The following SESTD1 variants were observed in gnomAD, a reference collection of about 807,000 sequenced individuals.
SESTD1 encodes SEC14 and spectrin domain containing 1.
SESTD1 carries 43 observed loss-of-function variants against 101.7 expected under a neutral mutation model. That is an observed-to-expected ratio of 0.42 (90% CI 0.33 to 0.55). The LOEUF is 0.55. SESTD1 is among the 20% of genes least tolerant of loss of function. The pLI is 0.07. For missense variants in SESTD1, 647 were observed against 815.1 expected (o/e 0.79, Z 2.51); for synonymous variants, 283 against 286.8 (o/e 0.99, Z 0.13).
At chr2:179,136,079 A>G (rs779034682) in intron 9 of SESTD1, among the ~76,000 whole-genome samples, 2 of 152,188 alleles carry the variant, frequency 1.3e-5, no homozygotes, top group Non-Finnish European at 2.9e-5. Flanking sequence ...AGTGCGATAT[A>G]AAGAAAGCCC....
At chr2:179,199,523 T>C (rs1422451207) in intron 1 of SESTD1, among the ~76,000 whole-genome samples, 1 of 152,186 alleles carries the variant, frequency 6.6e-6, no homozygotes, top group Non-Finnish European at 1.5e-5. Flanking sequence ...TTTAGACCAA[T>C]ATCCTTGATG....
intron 1 of SESTD1, among the ~76,000 whole-genome samples, chr2:179,230,113 C>CTTTTGT (rs2046962642): frequency 1.8e-5 from 1 of 56,404 alleles, no homozygotes; most frequent in Non-Finnish European, 3.3e-5. Flanking sequence ...GATTGTATCT[C>CTTTTGT]TTTTTTTTTT....
intron 17 of SESTD1, among the ~76,000 whole-genome samples, chr2:179,111,845 G>A (rs1431946119): frequency 3.3e-5 from 5 of 150,990 alleles, no homozygotes; most frequent in East Asian, 3.9e-4. Flanking sequence ...TCAGCCTCCC[G>A]AGTAGCTGGG....
chr2:179,104,337 G>T lies in SESTD1; in HGVS notation c.*5562C>A, dbSNP rs918354083. ...TTGATGATATATTCTGAGCAAATCTGTTGGCCATAAAGATAACATAAGAGT... is the reference window on the plus strand; with the variant it reads ...TTGATGATATATTCTGAGCAAATCTTTTGGCCATAAAGATAACATAAGAGT... On this transcript the variant is annotated 3_prime_UTR_variant, in exon 18 of 18. Transcript: ENST00000428443. 2.6e-5 allele frequency: 4 copies of T among 152,092 alleles called. No individual in the cohort carries two copies. Among genetic ancestry groups the T allele is most frequent in the Non-Finnish European group, 4.4e-5 (3 of 68,020 alleles). 9.4% of individuals were successfully genotyped at this position (152,092 alleles called of 1,614,324 possible). A position where few individuals can be genotyped will look rare whatever the true frequency, so the allele number is the denominator to read the frequency against.
chr2:179,198,107 G>A (rs1283165739), intron 1 of SESTD1, among the ~76,000 whole-genome samples: 3 of 152,142 alleles, frequency 2.0e-5, no homozygotes, highest in African/African-American at 4.8e-5. Flanking sequence ...ATAAAAGGAT[G>A]GAGGAAGATC....
intron 1 of SESTD1, among the ~76,000 whole-genome samples, chr2:179,255,709 C>A (rs1349686879): frequency 6.6e-6 from 1 of 152,214 alleles, no homozygotes; most frequent in Non-Finnish European, 1.5e-5. Context: ...ATGAAGGTGG[C>A]TACATTAAAC....
At chr2:179,232,694 A>G (rs1222821164) in intron 1 of SESTD1, among the ~76,000 whole-genome samples, 3 of 151,794 alleles carry the variant, frequency 2.0e-5, no homozygotes, top group Non-Finnish European at 4.4e-5. Context: ...AAAATTAATA[A>G]AGAGATCTCT....
At chr2:179,141,991 C>T (rs2045289575) in intron 9 of SESTD1, among the ~76,000 whole-genome samples, 1 of 152,186 alleles carries the variant, frequency 6.6e-6, no homozygotes, top group African/African-American at 2.4e-5. Context: ...CTTCCATGAT[C>T]CAACTCCTTC....
chr2:179,120,807 T>C (rs2044732287), intron 13 of SESTD1, among the ~76,000 whole-genome samples: 1 of 152,152 alleles, frequency 6.6e-6, no homozygotes. Flanking sequence ...CCAAATGACT[T>C]AGCTGTGAGG....
intron 1 of SESTD1, among the ~76,000 whole-genome samples, chr2:179,230,297 G>C (rs1018454839): frequency 2.6e-5 from 4 of 151,184 alleles, no homozygotes; most frequent in Non-Finnish European, 5.9e-5. Context: ...CACCATATCC[G>C]GCTAATTTTT....
intron 1 of SESTD1, among the ~76,000 whole-genome samples, chr2:179,197,577 C>A (rs201098713): frequency 5.7e-3 from 766 of 133,446 alleles, no homozygotes; most frequent in South Asian, 7.2e-3. Flanking sequence ...GGGTTACCCT[C>A]AAAGGGAAGC....
chr2:179,218,731 G>A (rs2046761996), intron 1 of SESTD1, among the ~76,000 whole-genome samples: 1 of 152,164 alleles, frequency 6.6e-6, no homozygotes, highest in African/African-American at 2.4e-5. Flanking sequence ...GTATTGTGGA[G>A]ATTTAAAGAG....
Position 179,104,177 on chromosome 2 carries a change from G to A in SESTD1, c.*5722C>T, listed in dbSNP as rs2044331929. The A allele has an allele frequency of 6.6e-6, 1 of 152,114 alleles. No individual in the cohort carries two copies. Among genetic ancestry groups the A allele is most frequent in the South Asian group, 2.1e-4 (1 of 4,832 alleles). 9.4% of individuals were successfully genotyped at this position (152,114 alleles called of 1,614,324 possible). A position where few individuals can be genotyped will look rare whatever the true frequency, so the allele number is the denominator to read the frequency against. Reference sequence around the variant, plus strand: ...AATTCTTCTAAGTGTCCATTGAGAAGTAAGTTTCTCTTAAAGGCTTCTGAG... The same window carrying A: ...AATTCTTCTAAGTGTCCATTGAGAAATAAGTTTCTCTTAAAGGCTTCTGAG... On this transcript the variant is annotated 3_prime_UTR_variant, in exon 18 of 18. Transcript: ENST00000428443.
chr2:179,135,339 G>A (rs1170017898), intron 9 of SESTD1, among the ~76,000 whole-genome samples: 1 of 152,128 alleles, frequency 6.6e-6, no homozygotes, highest in Admixed American at 6.6e-5. Context: ...CATTGCAAAT[G>A]TTTGCTTATT....
intron 3 of SESTD1, among the ~76,000 whole-genome samples, chr2:179,180,301 T>C (rs2046085423): frequency 6.6e-6 from 1 of 152,152 alleles, no homozygotes; most frequent in Non-Finnish European, 1.5e-5. Flanking sequence ...AAAGCTATTA[T>C]TATATTCAAA....
intron 1 of SESTD1, among the ~76,000 whole-genome samples, chr2:179,248,185 A>G (rs1312227557): frequency 4.6e-5 from 7 of 152,108 alleles, no homozygotes; most frequent in South Asian, 2.1e-4. Context: ...TTTTAGACTA[A>G]ATGGGCCACT....
chr2:179,106,520 TGTTA>T lies in SESTD1; in HGVS notation c.*3375_*3378del, dbSNP rs2044385923. On this transcript the variant is annotated 3_prime_UTR_variant, in exon 18 of 18. Transcript: ENST00000428443. ...GATCAGAGTATGGTTTACTCATCAC[TGTTA>T]GTAAGGTAACTTAATTGTCATGCTC... is the stretch of plus-strand genomic sequence containing the variant. The T allele has an allele frequency of 6.6e-6, 1 of 152,192 alleles. No individual in the cohort carries two copies. Among genetic ancestry groups the T allele is most frequent in the African/African-American group, 2.4e-5 (1 of 41,462 alleles). The allele number at this position is 152,192 out of a possible 1,614,324, so 9.4% of individuals were successfully genotyped here. A position where few individuals can be genotyped will look rare whatever the true frequency, so the allele number is the denominator to read the frequency against.
chr2:179,116,357 T>C (rs766387104), intron 15 of SESTD1, among the ~76,000 whole-genome samples: 2 of 152,190 alleles, frequency 1.3e-5, no homozygotes, highest in Non-Finnish European at 2.9e-5. Context: ...AAGTGAGGTT[T>C]CTTATTTACT....
At chr2:179,148,829 G>C (rs1198900854) in intron 7 of SESTD1, among the ~76,000 whole-genome samples, 1 of 152,082 alleles carries the variant, frequency 6.6e-6, no homozygotes, top group Non-Finnish European at 1.5e-5. Context: ...GGGAGGCCGA[G>C]ACGGGCAGAT....
Sources: allele counts gnomAD v4.1 joint callset (sites outside exome capture counted in the v4.1 genomes callset), GRCh38; gene constraint gnomAD v4.1.1; transcripts MANE v1.5; gene names NCBI Gene and HGNC (gene_info 2026-07-23, HGNC 2026-07-21).